DOCK9: variants seen among roughly 807,000 people sequenced by gnomAD.
The protein encoded by DOCK9 is dedicator of cytokinesis 9.
Under a neutral mutation model 263.3 loss-of-function variants are expected in DOCK9, and 89 were observed. That is an observed-to-expected ratio of 0.34 (90% CI 0.28 to 0.40). DOCK9 has a LOEUF of 0.40. DOCK9 is among the 10% of genes least tolerant of loss of function. DOCK9 has a pLI of 1.00. For missense variants in DOCK9, 2,140 were observed against 2,603.4 expected (o/e 0.82, Z 3.87); for synonymous variants, 976 against 973.1 (o/e 1.00, Z -0.06).
intron 1 of DOCK9, among the ~76,000 whole-genome samples, chr13:98,962,901 A>C (rs1178528235): frequency 2.6e-5 from 4 of 152,218 alleles, no homozygotes; most frequent in Non-Finnish European, 5.9e-5. Context: ...AGAGAAAAGC[A>C]CTTCTGACCC....
At position 98,809,376 on chromosome 13, in the gene DOCK9, G is replaced by A; in HGVS notation, c.5343C>T (p.Tyr1781=). Residue 1781 remains tyrosine (Y), a synonymous_variant, in exon 47 of 53, where the codon TAC becomes TAT. Coordinates refer to ENST00000682017, the MANE Select transcript of DOCK9 (RefSeq NM_001366683.2). ...MHSGRRLLGT[Y]FRVAFFGQGF... Reference sequence around the variant, plus strand: ...CCTGCCCGAAGAAGGCTACCCGGAAGTAGGTCCCCAGAAGCCTGCGGCCCG... The same window carrying A: ...CCTGCCCGAAGAAGGCTACCCGGAAATAGGTCCCCAGAAGCCTGCGGCCCG... The A allele has an allele frequency of 6.2e-7, 1 of 1,613,828 alleles. No homozygotes were observed. The highest frequency in any genetic ancestry group is 8.5e-7 in the Non-Finnish European group (1 of 1,179,870).
intron 45 of DOCK9, among the ~76,000 whole-genome samples, chr13:98,816,561 C>T (rs1594291505): frequency 6.6e-6 from 1 of 151,662 alleles, no homozygotes; most frequent in African/African-American, 2.4e-5. Flanking sequence ...GGAGCTAGGT[C>T]CAGGAAGAGA....
intron 1 of DOCK9, among the ~76,000 whole-genome samples, chr13:98,975,254 C>T (rs1377020712): frequency 6.6e-6 from 1 of 151,672 alleles, no homozygotes; most frequent in Non-Finnish European, 1.5e-5. Flanking sequence ...TGGCGGGCAC[C>T]TATAATCTTA....
intron 1 of DOCK9, among the ~76,000 whole-genome samples, chr13:99,049,796 G>T (rs1465723385): frequency 6.6e-6 from 1 of 152,158 alleles, no homozygotes; most frequent in Admixed American, 6.5e-5. Flanking sequence ...GGGATTACAG[G>T]AATGAGCAAC....
At chr13:98,820,267 T>C (rs751279543) in intron 45 of DOCK9, among the ~76,000 whole-genome samples, 1 of 152,248 alleles carries the variant, frequency 6.6e-6, no homozygotes, top group Non-Finnish European at 1.5e-5. Context: ...ACAAAGCTTA[T>C]GTAACTTACA....
In DOCK9 at chr13:98,918,396, G is replaced by A. The variant is rs193032193; in HGVS notation, c.717+2558C>T. On this transcript the variant is annotated intron_variant, in intron 7 of 52. Transcript: ENST00000682017. ...GAGCCGAGCTCCAGAAAGATCCACC[G>A]AGTCACACATGCATTAGGCATATAT... Among the ~76,000 whole-genome samples, 9 of 152,132 alleles carry A rather than the reference G, an allele frequency of 5.9e-5. No individual in the cohort carries two copies. In the East Asian group the frequency reaches 1.5e-3, roughly 26 times the overall value.
intron 8 of DOCK9, 42 bp from the exon 9 acceptor site, chr13:98,914,437 T>C (rs143924387): frequency 8.4e-6 from 13 of 1,549,856 alleles, no homozygotes; most frequent in African/African-American, 8.1e-5. Flanking sequence ...TTGTAATTCA[T>C]AGCATTTCAT....
At chr13:98,920,868 G>C (rs937472819) in intron 7 of DOCK9, 86 bp downstream of exon 7, 2 of 1,314,748 alleles carry the variant, frequency 1.5e-6, no homozygotes, top group Non-Finnish European at 2.0e-6. Context: ...TGCCATTTTT[G>C]GAAGTGTTTG....
intron 1 of DOCK9, among the ~76,000 whole-genome samples, chr13:99,040,548 T>TA (rs1173943702): frequency 4.6e-5 from 7 of 152,244 alleles, no homozygotes; most frequent in African/African-American, 1.7e-4. Flanking sequence ...CATTCTACTT[T>TA]AAAACTCAAT....
intron 1 of DOCK9, among the ~76,000 whole-genome samples, chr13:98,985,959 T>C (rs908105913): frequency 6.6e-6 from 1 of 152,220 alleles, no homozygotes; most frequent in African/African-American, 2.4e-5. Context: ...AAGCTAGAAT[T>C]TTCTCACTTT....
chr13:98,977,197 TGA>T (rs1440807339), intron 1 of DOCK9, among the ~76,000 whole-genome samples: 2 of 152,226 alleles, frequency 1.3e-5, no homozygotes, highest in Non-Finnish European at 2.9e-5. Context: ...AGACAAATGC[TGA>T]GAGTTTAGCT....
chr13:98,997,100 G>A (rs1432577033), intron 1 of DOCK9, among the ~76,000 whole-genome samples: 1 of 152,232 alleles, frequency 6.6e-6, no homozygotes, highest in Non-Finnish European at 1.5e-5. Flanking sequence ...AGAGGGAAAA[G>A]AGGGCTTCTC....
At chr13:98,881,715 T>G (rs553292067) in intron 24 of DOCK9, 88 bp from the exon 25 acceptor site, 1 of 1,377,188 alleles carries the variant, frequency 7.3e-7, no homozygotes, top group African/African-American at 1.4e-5. Context: ...ACAATGATGA[T>G]GCTATCAGCA....
intron 1 of DOCK9, among the ~76,000 whole-genome samples, chr13:99,061,741 T>C (rs1282838916): frequency 6.6e-6 from 1 of 152,106 alleles, no homozygotes; most frequent in African/African-American, 2.4e-5. Context: ...ATCACTCTCA[T>C]TTTCCACCTC....
At chr13:98,820,637 G>A (rs1469722687) in intron 45 of DOCK9, 1 of 424,102 alleles carries the variant, frequency 2.4e-6, no homozygotes, top group South Asian at 1.7e-5. Context: ...GCTCTGCTAT[G>A]AGGATCTGTG....
intron 38 of DOCK9, among the ~76,000 whole-genome samples, chr13:98,843,343 A>G (rs1261903648): frequency 6.6e-6 from 1 of 152,146 alleles, no homozygotes; most frequent in Admixed American, 6.6e-5. Flanking sequence ...GGTAGAGATG[A>G]AAACAAACAT....
rs58434344 is a variant in DOCK9, at chr13:98,887,143, ATTTTTTTTT to A, written c.2044-528_2044-520del. On this transcript the variant is annotated intron_variant, in intron 18 of 52. Coordinates refer to ENST00000682017, the MANE Select transcript of DOCK9 (RefSeq NM_001366683.2). ...CTATATTTTATATATATATATATAT[ATTTTTTTTT>A]TTTTTTTTTTTTTTTGCATCTTTGT... Among the ~76,000 whole-genome samples, 51 of 95,220 alleles carry A rather than the reference ATTTTTTTTT, an allele frequency of 5.4e-4. 1 individual carries two copies. In the East Asian group the frequency reaches 6.9e-3, roughly 13 times the overall value. The allele number at this position is 95,220 out of a possible 152,430, so 62.5% of individuals were successfully genotyped here.
intron 45 of DOCK9, among the ~76,000 whole-genome samples, chr13:98,814,717 T>C (rs1196525850): frequency 1.3e-5 from 2 of 152,050 alleles, no homozygotes; most frequent in Non-Finnish European, 2.9e-5. Context: ...GGTGGGTGGA[T>C]TGCTTGAGCT....
chr13:98,794,673 T>C lies in DOCK9; in HGVS notation c.6232A>G (p.Thr2078Ala), dbSNP rs543722179. 1.1e-5 allele frequency: 18 copies of C among 1,613,626 alleles called. No homozygotes were observed. The South Asian group carries it at 1.6e-4, about 15-fold the overall frequency. Residue 2078 changes from threonine to alanine, a missense_variant, in exon 53 of 53, where the codon ACA (threonine) becomes GCA (alanine). By Grantham distance (58) the Thr-to-Ala change is moderately conservative (BLOSUM62 0). Transcript: ENST00000682017. ...GTCATCCCGTGAACCATTGTGCTTG[T>C]TGGAGTCCCACTGATGGCGTTGAAG... ...HIFNAISGTP[T>A]STMVHGMTSS...
Sources: allele counts gnomAD v4.1 joint callset (sites outside exome capture counted in the v4.1 genomes callset), GRCh38; gene constraint gnomAD v4.1.1; transcripts MANE v1.5; gene names NCBI Gene and HGNC (gene_info 2026-07-23, HGNC 2026-07-21).